Variants in IL1RAPL1 observed in about 807,000 individuals in gnomAD.
IL1RAPL1 encodes interleukin-1 receptor accessory protein-like 1.
In IL1RAPL1, 3 loss-of-function variants were observed where a neutral mutation model predicts 48.4. The observed-to-expected ratio is 0.06, with a 90% CI of 0.03 to 0.16. The LOEUF (loss-of-function observed/expected upper bound fraction) is 0.16, where lower values mean the gene tolerates loss of function less well. Among genes scored for constraint, IL1RAPL1 ranks in the 10% least tolerant of loss-of-function variants. The pLI, the probability that IL1RAPL1 is intolerant of heterozygous loss-of-function variation, is 1.00. For synonymous variants in IL1RAPL1, 185 were observed against 187.7 expected (o/e 0.99, Z 0.12); for missense variants, 349 against 530.6 (o/e 0.66, Z 3.36).
intron 1 of IL1RAPL1, among the ~76,000 whole-genome samples, chrX:28,737,824 CTG>C (rs1935862037): frequency 8.9e-6 from 1 of 112,035 alleles, no homozygotes; most frequent in African/African-American, 3.2e-5. Context: ...TCCAACAAAA[CTG>C]TATCAAATGC....
chrX:29,130,209 C>T (rs969543186), intron 2 of IL1RAPL1, among the ~76,000 whole-genome samples: 2 of 111,919 alleles, frequency 1.8e-5, no homozygotes, highest in Non-Finnish European at 3.8e-5. Flanking sequence ...TTCAGCAGTA[C>T]ATTCCTTTGA....
At chrX:29,275,134 TA>T (rs765476347) in intron 2 of IL1RAPL1, among the ~76,000 whole-genome samples, 1 of 111,907 alleles carries the variant, frequency 8.9e-6, no homozygotes, top group African/African-American at 3.2e-5. Context: ...ACATTGGTTT[TA>T]GCAGTGGGTT....
chrX:28,823,711 C>CG (rs1936961522), intron 2 of IL1RAPL1, among the ~76,000 whole-genome samples: 1 of 110,586 alleles, frequency 9.0e-6, no homozygotes, highest in Non-Finnish European at 1.9e-5. Context: ...GAGAGGCCTG[C>CG]TTTTTTTGCC....
At chrX:29,703,263 G>T (rs963182544) in intron 6 of IL1RAPL1, among the ~76,000 whole-genome samples, 2 of 111,358 alleles carry the variant, frequency 1.8e-5, no homozygotes, top group Non-Finnish European at 3.8e-5. Flanking sequence ...AGAACATACC[G>T]AAAAATATTT....
chrX:29,618,602 C>A (rs1310410503), intron 5 of IL1RAPL1, among the ~76,000 whole-genome samples: 1 of 111,816 alleles, frequency 8.9e-6, no homozygotes, highest in Non-Finnish European at 1.9e-5. Flanking sequence ...TGCAGTCGTC[C>A]CAATGACTTT....
intron 2 of IL1RAPL1, among the ~76,000 whole-genome samples, chrX:28,802,523 C>A (rs1936688364): frequency 8.9e-6 from 1 of 112,286 alleles, no homozygotes; most frequent in Non-Finnish European, 1.9e-5. Flanking sequence ...ACTAACTGTA[C>A]TAAAATATTT....
chrX:29,282,669 T>G (rs765492217), intron 2 of IL1RAPL1, among the ~76,000 whole-genome samples: 18 of 112,004 alleles, frequency 1.6e-4, no homozygotes, highest in African/African-American at 5.8e-4. Flanking sequence ...TAAGAGGCAA[T>G]AAATCAATAA....
intron 6 of IL1RAPL1, among the ~76,000 whole-genome samples, chrX:29,799,932 T>C (rs1227808240): frequency 8.9e-6 from 1 of 112,146 alleles, no homozygotes; most frequent in Non-Finnish European, 1.9e-5. Context: ...ACCTGTTCAT[T>C]TCCTATCGGA....
intron 2 of IL1RAPL1, among the ~76,000 whole-genome samples, chrX:29,197,110 A>T (rs780432945): frequency 9.0e-6 from 1 of 111,147 alleles, no homozygotes; most frequent in South Asian, 3.7e-4. Flanking sequence ...TAAAGCCTAA[A>T]TATATGCGTT....
intron 1 of IL1RAPL1, among the ~76,000 whole-genome samples, chrX:28,772,574 A>G (rs1319487739): frequency 8.9e-6 from 1 of 111,872 alleles, no homozygotes; most frequent in Non-Finnish European, 1.9e-5. Context: ...AGGTGTAAAC[A>G]TTGGATATAT....
intron 6 of IL1RAPL1, among the ~76,000 whole-genome samples, chrX:29,744,451 C>T (rs1256568199): frequency 8.9e-6 from 1 of 112,186 alleles, no homozygotes; most frequent in Admixed American, 9.5e-5. Context: ...TTTTTATATT[C>T]TGGTCCACTT....
chrX:29,802,797 ATATATATATATATG>A (rs1569172775), intron 6 of IL1RAPL1, among the ~76,000 whole-genome samples: 40 of 58,291 alleles, frequency 6.9e-4, no homozygotes, highest in African/African-American at 4.0e-3. Context: ...GTGTGTATAT[ATATATATATATATG>A]TGTGTATATA....
chrX:29,796,598 C>A (rs1329420290), intron 6 of IL1RAPL1, among the ~76,000 whole-genome samples: 1 of 112,158 alleles, frequency 8.9e-6, no homozygotes, highest in Non-Finnish European at 1.9e-5. Context: ...GCCTCCATCA[C>A]CTCTCACCTA....
At chrX:29,643,214 A>G (rs1487069046) in intron 5 of IL1RAPL1, among the ~76,000 whole-genome samples, 1 of 112,068 alleles carries the variant, frequency 8.9e-6, no homozygotes, top group African/African-American at 3.2e-5. Flanking sequence ...ATGGCTTCAA[A>G]GTCACACTTG....
intron 1 of IL1RAPL1, among the ~76,000 whole-genome samples, chrX:28,662,633 A>G (rs1167434146): frequency 9.0e-6 from 1 of 111,412 alleles, no homozygotes; most frequent in Non-Finnish European, 1.9e-5. Context: ...TTGCTGGCTG[A>G]TTGGTTGGCT....
chrX:29,931,175 T>A (rs954405461), intron 8 of IL1RAPL1, among the ~76,000 whole-genome samples: 1 of 111,006 alleles, frequency 9.0e-6, no homozygotes, highest in African/African-American at 3.3e-5. Flanking sequence ...AGGGGGGATT[T>A]TTTTTTTAAA....
chrX:29,027,613 A>G (rs747441164), intron 2 of IL1RAPL1, among the ~76,000 whole-genome samples: 10 of 111,813 alleles, frequency 8.9e-5, no homozygotes, highest in African/African-American at 3.2e-4. Context: ...AAAACTGCCA[A>G]ACTGTCTTCC....
At chrX:29,448,007 C>T (rs189417329) in intron 5 of IL1RAPL1, among the ~76,000 whole-genome samples, 39 of 111,630 alleles carry the variant, frequency 3.5e-4, no homozygotes, top group Middle Eastern at 4.6e-3. Flanking sequence ...TGAGGTATAA[C>T]TTCAAGTACA....
intron 3 of IL1RAPL1, among the ~76,000 whole-genome samples, chrX:29,302,967 C>T (rs1284462171): frequency 8.9e-6 from 1 of 112,356 alleles, no homozygotes; most frequent in Non-Finnish European, 1.9e-5. Context: ...TGTAGACATA[C>T]TCTCAGAGTT....
Sources: allele counts gnomAD v4.1 joint callset (sites outside exome capture counted in the v4.1 genomes callset), GRCh38; gene constraint gnomAD v4.1.1; transcripts MANE v1.5; gene names NCBI Gene and HGNC (gene_info 2026-07-23, HGNC 2026-07-21).